The following CDH2 variants were observed in gnomAD, a reference collection of about 807,000 sequenced individuals.
CDH2 encodes cadherin-2.
A neutral mutation model predicts 92.0 loss-of-function variants in CDH2; 17 were observed. The observed-to-expected ratio is 0.18, with a 90% CI of 0.13 to 0.28. The LOEUF (loss-of-function observed/expected upper bound fraction) is 0.28. CDH2 is among the 10% of genes least tolerant of loss of function. The probability of loss-of-function intolerance (pLI) is 1.00; values close to 1 mark genes in which losing one functional copy is unlikely to be tolerated. For missense variants in CDH2, 862 were observed against 1,133.1 expected (o/e 0.76, Z 3.44); for synonymous variants, 419 against 415.9 (o/e 1.01, Z -0.09).
At chr18:27,988,002 C>T (rs543126420) in intron 11 of CDH2, among the ~76,000 whole-genome samples, 3 of 152,120 alleles carry the variant, frequency 2.0e-5, no homozygotes, top group Admixed American at 2.0e-4. Context: ...TAATCTTAAC[C>T]AATGAGAAAC....
intron 2 of CDH2, among the ~76,000 whole-genome samples, chr18:28,136,937 A>G (rs17446826): frequency 0.012 from 1,887 of 152,288 alleles, 17 homozygotes; most frequent in Non-Finnish European, 0.021. Flanking sequence ...AATAACTCTT[A>G]AGAACTCTAA....
intron 2 of CDH2, among the ~76,000 whole-genome samples, chr18:28,121,160 G>C (rs1361489320): frequency 6.6e-6 from 1 of 152,072 alleles, no homozygotes; most frequent in African/African-American, 2.4e-5. Flanking sequence ...TTAGCCTTCT[G>C]GTTACCCAGG....
chr18:28,019,263 A>C (rs925180522), intron 2 of CDH2, among the ~76,000 whole-genome samples: 3 of 151,972 alleles, frequency 2.0e-5, no homozygotes, highest in African/African-American at 4.8e-5. Flanking sequence ...ATGGAACCAA[A>C]CACCACCTGT....
chr18:28,044,018 T>G (rs1263475529), intron 2 of CDH2, among the ~76,000 whole-genome samples: 1 of 150,280 alleles, frequency 6.7e-6, no homozygotes, highest in Non-Finnish European at 1.5e-5. Context: ...GTTCAAGCGA[T>G]TCTCCTGCCT....
intron 2 of CDH2, among the ~76,000 whole-genome samples, chr18:28,118,455 AG>A (rs2015531978): frequency 6.6e-6 from 1 of 152,288 alleles, no homozygotes; most frequent in East Asian, 1.9e-4. Flanking sequence ...ATTGTTAAAA[AG>A]AACAAATTCC....
At chr18:27,997,184 C>G (rs1164316430) in intron 7 of CDH2, among the ~76,000 whole-genome samples, 1 of 152,220 alleles carries the variant, frequency 6.6e-6, no homozygotes, top group Non-Finnish European at 1.5e-5. Context: ...GGCTTCTCAG[C>G]ATTTACCAAT....
downstream of CDH2, among the ~76,000 whole-genome samples, chr18:27,946,895 T>C (rs1909279705): frequency 1.3e-5 from 2 of 151,952 alleles, no homozygotes; most frequent in African/African-American, 4.8e-5. Flanking sequence ...CAATCATCTA[T>C]GTAGATGAAG....
chr18:28,028,985 C>T (rs373183906), intron 2 of CDH2, among the ~76,000 whole-genome samples: 11 of 152,186 alleles, frequency 7.2e-5, no homozygotes, highest in African/African-American at 1.9e-4. Flanking sequence ...TCACTGATGC[C>T]TTATTATTTG....
At chr18:28,060,523 A>G (rs1170056912) in intron 2 of CDH2, among the ~76,000 whole-genome samples, 1 of 152,148 alleles carries the variant, frequency 6.6e-6, no homozygotes, top group Admixed American at 6.6e-5. Context: ...TTCTTTACAG[A>G]AGAACCTGCC....
intron 2 of CDH2, among the ~76,000 whole-genome samples, chr18:28,064,621 A>G (rs1194635482): frequency 6.6e-6 from 1 of 150,926 alleles, no homozygotes; most frequent in Non-Finnish European, 1.5e-5. Flanking sequence ...ACCTACCCCC[A>G]GTTCTGAGGT....
intron 2 of CDH2, among the ~76,000 whole-genome samples, chr18:28,122,504 C>T (rs963420579): frequency 2.0e-5 from 3 of 152,090 alleles, no homozygotes; most frequent in Admixed American, 1.3e-4. Context: ...ATTAAGTTAG[C>T]TAAGTTGGGT....
intron 7 of CDH2, among the ~76,000 whole-genome samples, chr18:27,995,307 C>G (rs1180229761): frequency 8.6e-6 from 1 of 116,168 alleles, no homozygotes; most frequent in Non-Finnish European, 1.7e-5. Context: ...GAATGAGACT[C>G]CATCTCAAAA....
At chr18:28,018,023 C>T (rs769811826) in intron 2 of CDH2, among the ~76,000 whole-genome samples, 1 of 152,016 alleles carries the variant, frequency 6.6e-6, no homozygotes, top group African/African-American at 2.4e-5. Flanking sequence ...TCTAACTCAT[C>T]CCAAAAGCTC....
intron 2 of CDH2, among the ~76,000 whole-genome samples, chr18:28,103,230 C>A (rs2015259141): frequency 7.3e-6 from 1 of 137,636 alleles, no homozygotes; most frequent in African/African-American, 2.8e-5. Context: ...ATAAAAACTC[C>A]TTTATATATA....
At chr18:28,119,792 C>CTGACCAATGGGATACA (rs2015556649) in intron 2 of CDH2, among the ~76,000 whole-genome samples, 1 of 152,084 alleles carries the variant, frequency 6.6e-6, no homozygotes, top group Non-Finnish European at 1.5e-5. Flanking sequence ...TAAGAAACCT[C>CTGACCAATGGGATACA]TGACCAATGG....
intron 1 of CDH2, among the ~76,000 whole-genome samples, chr18:28,157,064 GAT>G (rs1365843066): frequency 6.6e-6 from 1 of 152,188 alleles, no homozygotes; most frequent in African/African-American, 2.4e-5. Flanking sequence ...TGTACCTACA[GAT>G]TTAATTGGCA....
chr18:28,001,124 T>C (rs978627560), intron 7 of CDH2, among the ~76,000 whole-genome samples: 1 of 152,214 alleles, frequency 6.6e-6, no homozygotes, highest in Admixed American at 6.5e-5. Flanking sequence ...CATAATTCTA[T>C]AGTTTCAAAT....
chr18:28,142,113 G>A (rs544184125), intron 2 of CDH2, among the ~76,000 whole-genome samples: 3 of 151,812 alleles, frequency 2.0e-5, no homozygotes, highest in Non-Finnish European at 4.4e-5. Context: ...CCTACTAGAC[G>A]TTTACTAGAG....
intron 1 of CDH2, among the ~76,000 whole-genome samples, chr18:28,161,545 A>C (rs1044516654): frequency 5.5e-5 from 8 of 145,240 alleles, no homozygotes; most frequent in African/African-American, 1.8e-4. Flanking sequence ...GCATCACTGC[A>C]CTCCAGCCTG....
Sources: allele counts gnomAD v4.1 joint callset (sites outside exome capture counted in the v4.1 genomes callset), GRCh38; gene constraint gnomAD v4.1.1; transcripts MANE v1.5; gene names NCBI Gene and HGNC (gene_info 2026-07-23, HGNC 2026-07-21).